Variants in MEF2A observed in about 807,000 individuals in gnomAD.
The protein encoded by MEF2A is myocyte-specific enhancer factor 2A.
MEF2A carries 28 observed loss-of-function variants against 55.8 expected under a neutral mutation model. The ratio of observed to expected loss-of-function variants is 0.50; its 90% CI spans 0.37 to 0.69. MEF2A has a LOEUF of 0.69. MEF2A is among the 30% of genes least tolerant of loss of function. The probability of loss-of-function intolerance (pLI) is 0.00; values close to 1 mark genes in which losing one functional copy is unlikely to be tolerated. For missense variants in MEF2A, 528 were observed against 626.2 expected (o/e 0.84, Z 1.67); for synonymous variants, 239 against 227.1 (o/e 1.05, Z -0.47).
chr15:99,600,245 C>G (rs906950627), intron 2 of MEF2A, among the ~76,000 whole-genome samples: 2 of 152,116 alleles, frequency 1.3e-5, no homozygotes, highest in East Asian at 3.8e-4. Context: ...AGGGAATTCT[C>G]TATGCTGCTT....
intron 5 of MEF2A, among the ~76,000 whole-genome samples, chr15:99,673,937 T>G (rs533135365): frequency 3.9e-4 from 60 of 152,242 alleles, no homozygotes; most frequent in African/African-American, 1.4e-3. Context: ...TTTATCAGAT[T>G]TGACATATTA....
chr15:99,607,427 T>G (rs1156435995), intron 2 of MEF2A, among the ~76,000 whole-genome samples: 1 of 152,214 alleles, frequency 6.6e-6, no homozygotes, highest in Non-Finnish European at 1.5e-5. Context: ...AAGGTTAGAC[T>G]TAGAGCACAT....
intron 2 of MEF2A, among the ~76,000 whole-genome samples, chr15:99,607,401 CTG>C: frequency 6.6e-6 from 1 of 152,142 alleles, no homozygotes; most frequent in South Asian, 2.1e-4. Flanking sequence ...TCATATTTGA[CTG>C]AATAAATATT....
chr15:99,590,240 G>A (rs915286633), intron 1 of MEF2A, among the ~76,000 whole-genome samples: 2 of 151,820 alleles, frequency 1.3e-5, no homozygotes, highest in Admixed American at 6.6e-5. Context: ...ATTATGAAAC[G>A]TATTCCTTCT....
intron 1 of MEF2A, among the ~76,000 whole-genome samples, chr15:99,585,819 A>T (rs1967032992): frequency 1.3e-5 from 2 of 152,194 alleles, no homozygotes; most frequent in Non-Finnish European, 2.9e-5. Flanking sequence ...AAATCACAAA[A>T]ATCTTTTAAA....
chr15:99,568,057 A>C (rs1960511713), intron 1 of MEF2A, among the ~76,000 whole-genome samples: 1 of 152,176 alleles, frequency 6.6e-6, no homozygotes, highest in Non-Finnish European at 1.5e-5. Context: ...CTCTAAACGC[A>C]ATTATTTGCT....
In MEF2A at chr15:99,633,192, T is replaced by C; in HGVS notation, c.54+19T>C. ...CCGACAGGTAAATGAAAATTTTAAT[T>C]TATTTAATTGATATGAATATTCTTT... On this transcript the variant is annotated intron_variant, in intron 3 of 11. Transcript: ENST00000557942. The C allele has an allele frequency of 6.6e-7, 1 of 1,506,280 alleles. No individual in the cohort carries two copies. The highest frequency in any genetic ancestry group is 1.4e-5 in the African/African-American group (1 of 69,552). 93.3% of individuals were successfully genotyped at this position (1,506,280 alleles called of 1,614,324 possible). A position where few individuals can be genotyped will look rare whatever the true frequency, so the allele number is the denominator to read the frequency against.
At chr15:99,593,268 C>T (rs990204762) in intron 1 of MEF2A, among the ~76,000 whole-genome samples, 32 of 152,124 alleles carry the variant, frequency 2.1e-4, no homozygotes, top group African/African-American at 7.7e-4. Flanking sequence ...TTCTTCTTGG[C>T]TTCCCTTTTC....
intron 4 of MEF2A, among the ~76,000 whole-genome samples, chr15:99,664,753 G>A (rs1213816976): frequency 2.0e-5 from 3 of 152,168 alleles, no homozygotes; most frequent in Admixed American, 6.5e-5. Context: ...GAATTCTATG[G>A]CAGTTAAGTT....
chr15:99,630,756 C>T (rs1039734180), intron 2 of MEF2A, among the ~76,000 whole-genome samples: 1 of 152,228 alleles, frequency 6.6e-6, no homozygotes, highest in African/African-American at 2.4e-5. Context: ...TAAAGCTGTG[C>T]TTCTCTTCCT....
intron 1 of MEF2A, among the ~76,000 whole-genome samples, chr15:99,567,639 G>GTC (rs1355376579): frequency 6.8e-6 from 1 of 146,082 alleles, no homozygotes; most frequent in African/African-American, 2.5e-5. Context: ...GTGTGTGTGT[G>GTC]TGTGTGTGTG....
intron 1 of MEF2A, among the ~76,000 whole-genome samples, chr15:99,586,319 C>T (rs1967246041): frequency 6.6e-6 from 1 of 152,156 alleles, no homozygotes; most frequent in Admixed American, 6.5e-5. Flanking sequence ...GTTCCAGTTT[C>T]TCCATATCTT....
intron 2 of MEF2A, among the ~76,000 whole-genome samples, chr15:99,618,542 T>A (rs2153231897): frequency 6.6e-6 from 1 of 152,320 alleles, no homozygotes; most frequent in African/African-American, 2.4e-5. Context: ...GCAGTGGTTA[T>A]CTTTATATTA....
intron 7 of MEF2A, among the ~76,000 whole-genome samples, chr15:99,689,693 C>G (rs1440277620): frequency 1.3e-5 from 2 of 152,134 alleles, no homozygotes; most frequent in African/African-American, 4.8e-5. Context: ...GTTGGCCAAG[C>G]TGGTCTCAAA....
chr15:99,572,668 ATAGT>A (rs1225113365), intron 1 of MEF2A, among the ~76,000 whole-genome samples: 4 of 152,164 alleles, frequency 2.6e-5, no homozygotes, highest in South Asian at 4.1e-4. Flanking sequence ...TCTTGCACAC[ATAGT>A]TATAGTTATT....
intron 7 of MEF2A, among the ~76,000 whole-genome samples, chr15:99,676,940 G>A (rs984542589): frequency 3.3e-5 from 5 of 151,964 alleles, no homozygotes; most frequent in African/African-American, 1.2e-4. Flanking sequence ...GGCCCACATG[G>A]CAAAACCCCA....
intron 1 of MEF2A, among the ~76,000 whole-genome samples, chr15:99,576,447 A>T (rs1964291917): frequency 6.6e-6 from 1 of 152,150 alleles, no homozygotes. Context: ...ATTTGTCTCG[A>T]ACAAGGTTGT....
In MEF2A at chr15:99,616,662, G is replaced by A. The variant is rs79260249; in HGVS notation, c.-142-16316G>A. On this transcript the variant is annotated intron_variant, in intron 2 of 11. Coordinates refer to ENST00000557942, the MANE Select transcript of MEF2A (RefSeq NM_001319206.4). ...CCCTTTGCAGAGAGATTTAGTCTTA[G>A]GTATATACTAAAATAAATATATATA... Among the ~76,000 whole-genome samples the A allele has an allele frequency of 8.7e-3, 1,322 of 151,624 alleles. 19 individuals are homozygous for A. Among genetic ancestry groups the A allele is most frequent in the African/African-American group, 0.029 (1,192 of 41,344 alleles).
chr15:99,585,356 C>T (rs1966873285), intron 1 of MEF2A, among the ~76,000 whole-genome samples: 1 of 152,114 alleles, frequency 6.6e-6, no homozygotes, highest in African/African-American at 2.4e-5. Flanking sequence ...TGTGTATAAT[C>T]ACTTTCTTCC....
Sources: allele counts gnomAD v4.1 joint callset (sites outside exome capture counted in the v4.1 genomes callset), GRCh38; gene constraint gnomAD v4.1.1; transcripts MANE v1.5; gene names NCBI Gene and HGNC (gene_info 2026-07-23, HGNC 2026-07-21).